GABRB1: variants seen among roughly 807,000 people sequenced by gnomAD.
GABRB1 encodes gamma-aminobutyric acid receptor subunit beta-1.
Under a neutral mutation model 51.6 loss-of-function variants are expected in GABRB1, and 17 were observed. That is an observed-to-expected ratio of 0.33 (90% confidence interval 0.23 to 0.49). The LOEUF is 0.49. Among genes scored for constraint, GABRB1 ranks in the 20% least tolerant of loss-of-function variants. The pLI, the probability that GABRB1 is intolerant of heterozygous loss-of-function variation, is 0.99. For missense variants in GABRB1, 410 were observed against 600.6 expected (o/e 0.68, Z 3.32); for synonymous variants, 247 against 218.9 (o/e 1.13, Z -1.14).
chr4:47,019,211 C>T (rs4368579), intron 1 of GABRB1, among the ~76,000 whole-genome samples: 4 of 151,674 alleles, frequency 2.6e-5, no homozygotes, highest in Non-Finnish European at 5.9e-5. Flanking sequence ...CCTAGATGCT[C>T]GGCCCTTTTC....
intron 3 of GABRB1, among the ~76,000 whole-genome samples, chr4:47,056,499 T>G (rs375298022): frequency 2.8e-4 from 42 of 152,302 alleles, no homozygotes; most frequent in African/African-American, 1.0e-3. Flanking sequence ...AAAGGTAGCA[T>G]GCTAGGCAAT....
intron 3 of GABRB1, among the ~76,000 whole-genome samples, chr4:47,151,177 A>G (rs1717430322): frequency 6.6e-6 from 1 of 152,012 alleles, no homozygotes; most frequent in Non-Finnish European, 1.5e-5. Flanking sequence ...CTTACTGGAA[A>G]GGTAACTAAA....
At chr4:47,151,268 T>C (rs1370338848) in intron 3 of GABRB1, among the ~76,000 whole-genome samples, 1 of 151,850 alleles carries the variant, frequency 6.6e-6, no homozygotes, top group East Asian at 1.9e-4. Flanking sequence ...CAGTCAAGAG[T>C]TCCTAAAACC....
chr4:47,048,541 A>G lies in GABRB1; in HGVS notation c.240+16057A>G, dbSNP rs141308348. Among the ~76,000 whole-genome samples the G allele has an allele frequency of 4.9e-3, 752 of 152,276 alleles. 5 individuals carry two copies. The highest frequency in any genetic ancestry group is 0.017 in the African/African-American group (694 of 41,566). ...AGCGTGATGCATTCAATTCAAGTCT[A>G]TCTGTACTTTTGTATTTAGACCAGG... On this transcript the variant is annotated intron_variant, in intron 3 of 8. Transcript: ENST00000295454.
intron 1 of GABRB1, among the ~76,000 whole-genome samples, chr4:47,008,621 C>G (rs1214723358): frequency 6.8e-6 from 1 of 147,864 alleles, no homozygotes; most frequent in African/African-American, 2.5e-5. Context: ...CGCCACCACA[C>G]CCAGCTAATT....
chr4:47,147,830 A>G (rs971894657), intron 3 of GABRB1, among the ~76,000 whole-genome samples: 5 of 152,126 alleles, frequency 3.3e-5, no homozygotes, highest in Admixed American at 3.3e-4. Context: ...GCTGGATAAT[A>G]GAGTAAAAGA....
rs1717788078 is a variant in GABRB1, at chr4:47,158,321, G to A, written c.241-2928G>A. On this transcript the variant is annotated intron_variant, in intron 3 of 8. Transcript: ENST00000295454. Reference sequence around the variant, plus strand: ...GTGTATATTTATTGTGTACAACATGGTGTTTTCAAATATCTGTACATTGTG... The same window carrying A: ...GTGTATATTTATTGTGTACAACATGATGTTTTCAAATATCTGTACATTGTG... Among the ~76,000 whole-genome samples, 3 of 152,042 alleles carry A rather than the reference G, an allele frequency of 2.0e-5. No individual in the cohort carries two copies. In the South Asian group the frequency reaches 6.2e-4, roughly 32 times the overall value.
At chr4:47,363,038 G>T (rs1427092488) in intron 5 of GABRB1, among the ~76,000 whole-genome samples, 1 of 152,078 alleles carries the variant, frequency 6.6e-6, no homozygotes, top group Non-Finnish European at 1.5e-5. Flanking sequence ...GTGTGTGTGT[G>T]TGTGTTTGTG....
Position 47,284,378 on chromosome 4 carries a change from C to T in GABRB1, c.462-35749C>T, listed in dbSNP as rs529285482. On this transcript the variant is annotated intron_variant, in intron 4 of 8. Coordinates refer to ENST00000295454, the MANE Select transcript of GABRB1 (RefSeq NM_000812.4). The stretch of plus-strand genomic sequence containing the variant: ...CAGGAATAAACCAAGAAAAGCTCTG[C>T]TATTCTCAATGCATCTCTTTATAAA... 3.5e-4 allele frequency among the ~76,000 whole-genome samples: 53 copies of T among 152,276 alleles called. 1 individual carries two copies. The highest frequency in any genetic ancestry group is 3.0e-3 in the Admixed American group (46 of 15,298).
chr4:47,407,956 G>A (rs924614840), intron 8 of GABRB1, among the ~76,000 whole-genome samples: 2 of 152,174 alleles, frequency 1.3e-5, no homozygotes, highest in Non-Finnish European at 2.9e-5. Context: ...GCCGGGCATT[G>A]TGGTGTTTGC....
At chr4:47,421,817 T>C (rs529977242) in intron 8 of GABRB1, among the ~76,000 whole-genome samples, 10 of 152,184 alleles carry the variant, frequency 6.6e-5, no homozygotes, top group African/African-American at 2.2e-4. Flanking sequence ...CTCCCAATAT[T>C]ATGCTTCACT....
chr4:47,149,012 G>A (rs1369904650), intron 3 of GABRB1, among the ~76,000 whole-genome samples: 1 of 151,964 alleles, frequency 6.6e-6, no homozygotes, highest in African/African-American at 2.4e-5. Context: ...TGCCCATAGA[G>A]TCAGACAGAT....
intron 4 of GABRB1, among the ~76,000 whole-genome samples, chr4:47,218,958 C>G (rs1294073263): frequency 1.3e-5 from 2 of 151,744 alleles, no homozygotes; most frequent in Non-Finnish European, 3.0e-5. Flanking sequence ...AGTGTGCATT[C>G]TCTTCATTCT....
chr4:47,372,924 C>T (rs144829012), intron 5 of GABRB1, among the ~76,000 whole-genome samples: 146 of 152,334 alleles, frequency 9.6e-4, no homozygotes, highest in African/African-American at 3.4e-3. Flanking sequence ...CCCATACTCA[C>T]ACACTACATG....
At chr4:47,393,827 TA>T (rs1349097467) in intron 5 of GABRB1, among the ~76,000 whole-genome samples, 1 of 152,234 alleles carries the variant, frequency 6.6e-6, no homozygotes, top group East Asian at 1.9e-4. Flanking sequence ...TCCTGAAAAG[TA>T]AGGCCACACC....
chr4:47,077,972 TA>T (rs1727645729), intron 3 of GABRB1, among the ~76,000 whole-genome samples: 1 of 127,746 alleles, frequency 7.8e-6, no homozygotes, highest in Non-Finnish European at 1.6e-5. Context: ...ATATATATTT[TA>T]TATATAATAT....
At chr4:47,092,421 C>T (rs537987209) in intron 3 of GABRB1, among the ~76,000 whole-genome samples, 116 of 151,880 alleles carry the variant, frequency 7.6e-4, no homozygotes, top group Non-Finnish European at 1.4e-3. Context: ...GATCCGCCCA[C>T]CTCAGACTCC....
At chr4:47,011,290 C>T (rs1349389342) in intron 1 of GABRB1, among the ~76,000 whole-genome samples, 2 of 152,182 alleles carry the variant, frequency 1.3e-5, no homozygotes, top group Non-Finnish European at 2.9e-5. Context: ...ATGAGCTGGA[C>T]CCAGACCTGT....
intron 1 of GABRB1, among the ~76,000 whole-genome samples, chr4:47,007,893 T>TATATATATATATATATATATATATATAA (rs1724457354): frequency 3.9e-5 from 1 of 25,908 alleles, no homozygotes; most frequent in Non-Finnish European, 1.1e-4. Flanking sequence ...TATATATATA[T>TATATATATATATATATATATATATATAA]AAAATCAAGT....
Sources: gnomAD v4.1 joint callset for allele counts (sites outside exome capture counted in the v4.1 genomes callset) on GRCh38, gnomAD v4.1.1 for gene constraint, MANE v1.5 for transcripts, NCBI Gene and HGNC (gene_info 2026-07-23, HGNC 2026-07-21) for gene names.